The following ARHGAP35 variants were observed in gnomAD, a reference collection of about 807,000 sequenced individuals.
ARHGAP35 encodes the protein Rho GTPase activating protein 35.
ARHGAP35 carries 15 observed loss-of-function variants against 111.1 expected under a neutral mutation model. The observed-to-expected ratio is 0.13, with a 90% CI of 0.09 to 0.21. ARHGAP35 has a LOEUF of 0.21. Among genes scored for constraint, ARHGAP35 ranks in the 10% least tolerant of loss-of-function variants. The pLI, the probability that ARHGAP35 is intolerant of heterozygous loss-of-function variation, is 1.00. For synonymous variants in ARHGAP35, 643 were observed against 710.3 expected (o/e 0.91, Z 1.51); for missense variants, 1,262 against 1,873.0 (o/e 0.67, Z 6.02).
rs914524663 is a variant in ARHGAP35, at chr19:46,945,192, G to T, written c.3826+7784G>T. On this transcript the variant is annotated intron_variant, in intron 3 of 6. Coordinates refer to ENST00000672722, the MANE Select transcript of ARHGAP35 (RefSeq NM_004491.5). The surrounding 1 kb of genome is among the most constrained non-coding windows in gnomAD (Gnocchi z 4.1). ...GGGTTGAGGGGGAGCTTAGGAGGCGGGGTTGAGGGGGAGCTTAAGAGTCAG... is the reference window on the plus strand; with the variant it reads ...GGGTTGAGGGGGAGCTTAGGAGGCGTGGTTGAGGGGGAGCTTAAGAGTCAG... 2.0e-5 allele frequency among the ~76,000 whole-genome samples: 3 copies of T among 152,120 alleles called. No homozygotes were observed. Among genetic ancestry groups the T allele is most frequent in the African/African-American group, 7.2e-5 (3 of 41,432 alleles).
chr19:46,909,558 A>G (rs1047824787), intron 1 of ARHGAP35, among the ~76,000 whole-genome samples: 2 of 152,106 alleles, frequency 1.3e-5, no homozygotes, highest in Non-Finnish European at 2.9e-5. Context: ...CAGATGACCC[A>G]TTTCAGAGAC....
intron 1 of ARHGAP35, among the ~76,000 whole-genome samples, chr19:46,895,273 C>T (rs1368722499): frequency 6.6e-6 from 1 of 151,884 alleles, no homozygotes; most frequent in Non-Finnish European, 1.5e-5. Flanking sequence ...ACGCCATTCT[C>T]CTGCTTCAGC....
chr19:46,907,604 G>A (rs987789573), intron 1 of ARHGAP35, among the ~76,000 whole-genome samples: 5 of 151,452 alleles, frequency 3.3e-5, no homozygotes, highest in African/African-American at 1.2e-4. Context: ...TCAGCCTCCC[G>A]AGTAGCTGGG....
intron 3 of ARHGAP35, among the ~76,000 whole-genome samples, chr19:46,956,602 C>T (rs566656146): frequency 6.6e-6 from 1 of 152,032 alleles, no homozygotes; most frequent in Non-Finnish European, 1.5e-5. Flanking sequence ...CAAGATACCT[C>T]ATTACTTATA....
At chr19:46,907,371 C>G (rs548652374) in intron 1 of ARHGAP35, among the ~76,000 whole-genome samples, 1 of 152,014 alleles carries the variant, frequency 6.6e-6, no homozygotes, top group Admixed American at 6.6e-5. Context: ...AGGATGGTCT[C>G]GATCTCCTGA....
intron 3 of ARHGAP35, among the ~76,000 whole-genome samples, chr19:46,970,569 C>G (rs1273202178): frequency 6.6e-6 from 1 of 152,122 alleles, no homozygotes; most frequent in Non-Finnish European, 1.5e-5. Context: ...GAGTCTATAC[C>G]CTTCATCAGG....
intron 1 of ARHGAP35, among the ~76,000 whole-genome samples, chr19:46,865,923 C>T (rs1295435579): frequency 6.6e-6 from 1 of 152,170 alleles, no homozygotes; most frequent in African/African-American, 2.4e-5. Context: ...TCACCACAAC[C>T]TCTGCCTCCT....
chr19:46,893,282 T>G (rs2056035306), intron 1 of ARHGAP35, among the ~76,000 whole-genome samples: 1 of 152,080 alleles, frequency 6.6e-6, no homozygotes, highest in Non-Finnish European at 1.5e-5. Context: ...CCAGGTCATA[T>G]CACTTCTGGA....
chr19:46,968,505 C>T (rs1255410377), intron 3 of ARHGAP35, among the ~76,000 whole-genome samples: 1 of 152,150 alleles, frequency 6.6e-6, no homozygotes, highest in East Asian at 1.9e-4. Flanking sequence ...CTGTAGGTCA[C>T]TTCAGAATTT....
At chr19:46,958,137 A>G (rs1272122384) in intron 3 of ARHGAP35, among the ~76,000 whole-genome samples, 2 of 152,218 alleles carry the variant, frequency 1.3e-5, no homozygotes, top group African/African-American at 4.8e-5. Context: ...TAATCCCAGC[A>G]CTTTGGGAGG....
Position 46,989,766 on chromosome 19 carries a change from T to C in ARHGAP35, c.4036+91T>C. On this transcript the variant is annotated intron_variant, in intron 5 of 6. Coordinates refer to ENST00000672722, the MANE Select transcript of ARHGAP35 (RefSeq NM_004491.5). The surrounding 1 kb of genome is among the most constrained non-coding windows in gnomAD (Gnocchi z 5.3). The stretch of plus-strand genomic sequence containing the variant: ...TCCTGCCCTCAGAATGGATGCTGGC[T>C]GTTAGAGCTGAGGTTTGAAGGACAG... 6.3e-7 allele frequency: 1 copy of C among 1,575,258 alleles called. No individual in the cohort carries two copies. Among genetic ancestry groups the C allele is most frequent in the South Asian group, 1.1e-5 (1 of 89,286 alleles).
At chr19:46,940,970 G>T (rs1050726505) in intron 3 of ARHGAP35, among the ~76,000 whole-genome samples, 2 of 146,796 alleles carry the variant, frequency 1.4e-5, no homozygotes, top group Non-Finnish European at 1.5e-5. Flanking sequence ...GATGCAGGTC[G>T]CACTCATAAT....
At chr19:46,941,771 G>T (rs1241088680) in intron 3 of ARHGAP35, among the ~76,000 whole-genome samples, 2 of 146,144 alleles carry the variant, frequency 1.4e-5, no homozygotes, top group African/African-American at 5.0e-5. Context: ...TGTTGCCCAG[G>T]CAGGTCTCAA....
intron 1 of ARHGAP35, among the ~76,000 whole-genome samples, chr19:46,900,092 GCTTTTACTT>G (rs1311296844): frequency 2.0e-5 from 3 of 151,950 alleles, no homozygotes; most frequent in African/African-American, 7.3e-5. Context: ...TCTTTTTTAT[GCTTTTACTT>G]CTCTGGGATA....
At chr19:46,985,167 G>A (rs1303457745) in intron 3 of ARHGAP35, among the ~76,000 whole-genome samples, 2 of 152,198 alleles carry the variant, frequency 1.3e-5, no homozygotes, top group Non-Finnish European at 2.9e-5. Flanking sequence ...CATACCCAAG[G>A]CTTGCTCATA....
At chr19:46,906,575 C>CCAAT (rs1345671077) in intron 1 of ARHGAP35, among the ~76,000 whole-genome samples, 2 of 152,172 alleles carry the variant, frequency 1.3e-5, no homozygotes, top group African/African-American at 4.8e-5. Context: ...AAAGTGAATA[C>CCAAT]CAATATAACC....
chr19:46,870,435 CG>C lies in ARHGAP35; in HGVS notation c.-189+9229del, dbSNP rs2055881730. On this transcript the variant is annotated intron_variant, in intron 1 of 6. Transcript: ENST00000672722. ...TCTACTAAAAATACAAAAAATTAGCCGGGTGTGGTGGCGGGCGCCTGTAGTC... is the reference window on the plus strand; with the variant it reads ...TCTACTAAAAATACAAAAAATTAGCCGGTGTGGTGGCGGGCGCCTGTAGTC... 4.6e-5 allele frequency among the ~76,000 whole-genome samples: 7 copies of C among 151,256 alleles called. No individual in the cohort carries two copies. In the South Asian group the frequency reaches 1.5e-3, roughly 32 times the overall value.
In ARHGAP35 at chr19:46,872,408, A is replaced by G. The variant is rs185318463; in HGVS notation, c.-189+11199A>G. On this transcript the variant is annotated intron_variant, in intron 1 of 6. Transcript: ENST00000672722. Reference sequence around the variant, plus strand: ...TGATTTTACTATTTCTGATTCAGGGAAAAAAAGATTAAACAAGTTTTTTTT... The same window carrying G: ...TGATTTTACTATTTCTGATTCAGGGGAAAAAAGATTAAACAAGTTTTTTTT... 1.2e-4 allele frequency among the ~76,000 whole-genome samples: 18 copies of G among 151,944 alleles called. 1 individual carries two copies. The highest frequency in any genetic ancestry group is 3.9e-4 in the African/African-American group (16 of 41,468).
chr19:46,918,630 C>G lies in ARHGAP35; in HGVS notation c.-46C>G, dbSNP rs376944228. 4 of 1,570,008 alleles carry G rather than the reference C, an allele frequency of 2.5e-6. No homozygotes were observed. The African/African-American group carries it at 4.1e-5, about 16-fold the overall frequency. ...GAAGCTGTCTGGTCCATTGGAAACA[C>G]TAATCTGATCTCAGAAGTGGCTGAT... On this transcript the variant is annotated 5_prime_UTR_variant, in exon 2 of 7. Coordinates refer to ENST00000672722, the MANE Select transcript of ARHGAP35 (RefSeq NM_004491.5). This position sits in a 1 kb window ranked among gnomAD's most constrained non-coding sequence, Gnocchi z 5.4.
Sources: allele counts gnomAD v4.1 joint callset (sites outside exome capture counted in the v4.1 genomes callset), GRCh38; gene constraint gnomAD v4.1.1; non-coding constraint Gnocchi (gnomAD v3.1); transcripts MANE v1.5; gene names NCBI Gene and HGNC (gene_info 2026-07-23, HGNC 2026-07-21).